AIG1: variants seen among roughly 807,000 people sequenced by gnomAD.
AIG1 encodes androgen-induced gene 1 protein.
Under a neutral mutation model 31.4 loss-of-function variants are expected in AIG1, and 23 were observed. That is an observed-to-expected ratio of 0.73 (90% CI 0.53 to 1.04). The LOEUF (loss-of-function observed/expected upper bound fraction) is 1.04, where lower values mean the gene tolerates loss of function less well. Among genes scored for constraint, AIG1 ranks in the 50% least tolerant of loss-of-function variants. The pLI, the probability that AIG1 is intolerant of heterozygous loss-of-function variation, is 0.00. For synonymous variants in AIG1, 100 were observed against 110.5 expected (o/e 0.90, Z 0.60); for missense variants, 274 against 295.0 (o/e 0.93, Z 0.52).
At chr6:143,204,368 T>A (rs892622910) in intron 3 of AIG1, among the ~76,000 whole-genome samples, 1 of 152,160 alleles carries the variant, frequency 6.6e-6, no homozygotes, top group Non-Finnish European at 1.5e-5. Flanking sequence ...ACATGTGGCC[T>A]CCACAGCCTC....
chr6:143,274,700 G>A (rs1370410149), intron 3 of AIG1, among the ~76,000 whole-genome samples: 2 of 149,438 alleles, frequency 1.3e-5, no homozygotes, highest in East Asian at 3.9e-4. Flanking sequence ...ATGAACAAAC[G>A]AGCATGGGAA....
At chr6:143,060,518 CT>C (rs1360748040), upstream of AIG1, 1 of 261,172 alleles carries the variant, frequency 3.8e-6, no homozygotes, top group Admixed American at 4.6e-5. Context: ...ACAGGGCCCG[CT>C]TCCCCCTGGA....
At chr6:143,285,795 T>TCAGTTCTTGCCTTCTCAG (rs1554265140) in intron 4 of AIG1, among the ~76,000 whole-genome samples, 2 of 152,032 alleles carry the variant, frequency 1.3e-5, no homozygotes, top group Admixed American at 6.5e-5. Context: ...CTTTCTCTGA[T>TCAGTTCTTGCCTTCTCAG]AAAAAATGTC....
At chr6:143,079,122 C>T (rs764362621) in intron 1 of AIG1, among the ~76,000 whole-genome samples, 12 of 151,994 alleles carry the variant, frequency 7.9e-5, no homozygotes, top group South Asian at 2.1e-4. Flanking sequence ...CAAAACAAAA[C>T]GTATTTTCTC....
intron 3 of AIG1, among the ~76,000 whole-genome samples, chr6:143,219,178 A>G (rs1792266772): frequency 6.6e-6 from 1 of 152,220 alleles, no homozygotes; most frequent in African/African-American, 2.4e-5. Context: ...AAAGATCAGA[A>G]TAAGTGTTCT....
chr6:143,166,177 A>T (rs552958311), intron 3 of AIG1, among the ~76,000 whole-genome samples: 1 of 152,308 alleles, frequency 6.6e-6, no homozygotes, highest in African/African-American at 2.4e-5. Flanking sequence ...TCTTAAGCCA[A>T]TTCATCAAAA....
intron 3 of AIG1, among the ~76,000 whole-genome samples, chr6:143,231,826 A>G (rs1220807100): frequency 6.6e-6 from 1 of 152,226 alleles, no homozygotes; most frequent in East Asian, 1.9e-4. Context: ...AGCTACATGC[A>G]TGTTGTAGCT....
intron 4 of AIG1, among the ~76,000 whole-genome samples, chr6:143,316,712 C>A (rs1775773811): frequency 6.6e-6 from 1 of 151,614 alleles, no homozygotes; most frequent in Non-Finnish European, 1.5e-5. Context: ...ATAAATGAAA[C>A]AAAAAGCTGT....
rs138820504 is a variant in AIG1, at chr6:143,250,302, C to T, written c.400-33808C>T. On this transcript the variant is annotated intron_variant, in intron 3 of 5. Transcript: ENST00000357847. ...TCCTGGAAGAATTACATGATTTTTA[C>T]GTTTTAAATGTTTTCATGCCACTTA... 9.8e-5 allele frequency among the ~76,000 whole-genome samples: 15 copies of T among 152,304 alleles called. No homozygotes were observed. In the East Asian group the frequency reaches 1.3e-3, roughly 14 times the overall value.
intron 5 of AIG1, among the ~76,000 whole-genome samples, chr6:143,337,050 G>A (rs1339514125): frequency 6.6e-6 from 1 of 152,198 alleles, no homozygotes; most frequent in Non-Finnish European, 1.5e-5. Flanking sequence ...TCACAGGGGA[G>A]GGGATGCATA....
chr6:143,126,502 T>G lies in AIG1; in HGVS notation c.142-10333T>G, dbSNP rs184494661. On this transcript the variant is annotated intron_variant, in intron 1 of 5. Coordinates refer to ENST00000357847, the MANE Select transcript of AIG1 (RefSeq NM_016108.4). ...ATAACAGGGAGAAAGAATTATGCGC[T>G]GTTAAAAAGAAAGATGTCTGTGGAA... 5.0e-4 allele frequency among the ~76,000 whole-genome samples: 76 copies of G among 152,368 alleles called. 2 individuals carry two copies. The highest frequency in any genetic ancestry group is 9.4e-4 in the Non-Finnish European group (64 of 68,032).
At chr6:143,324,027 G>A (rs1440328036) in intron 4 of AIG1, among the ~76,000 whole-genome samples, 1 of 152,148 alleles carries the variant, frequency 6.6e-6, no homozygotes, top group Non-Finnish European at 1.5e-5. Context: ...AGGAGCTTCA[G>A]GTTGGAGGTA....
Position 143,060,903 on chromosome 6 carries a change from G to C in AIG1, c.-23G>C, listed in dbSNP as rs1159444702. On this transcript the variant is annotated 5_prime_UTR_variant, in exon 1 of 6. Transcript: ENST00000357847. The stretch of plus-strand genomic sequence containing the variant: ...TCACGCCCGCCCTCCTTGCCGCCCA[G>C]CCGGTCCAGGCCTCTGGCGAACATG... 6.8e-7 allele frequency: 1 copy of C among 1,468,398 alleles called. No homozygotes were observed. Among genetic ancestry groups the C allele is most frequent in the South Asian group, 1.4e-5 (1 of 71,354 alleles). 91.0% of individuals were successfully genotyped at this position (1,468,398 alleles called of 1,614,324 possible). A position where few individuals can be genotyped will look rare whatever the true frequency, so the allele number is the denominator to read the frequency against.
At chr6:143,287,514 T>G (rs1271309608) in intron 4 of AIG1, among the ~76,000 whole-genome samples, 5 of 152,088 alleles carry the variant, frequency 3.3e-5, no homozygotes, top group Non-Finnish European at 5.9e-5. Context: ...CCTTGCTGTG[T>G]GAAGAGTAAC....
chr6:143,085,505 CAG>C (rs1349009910), intron 1 of AIG1, among the ~76,000 whole-genome samples: 1 of 152,160 alleles, frequency 6.6e-6, no homozygotes, highest in Non-Finnish European at 1.5e-5. Context: ...CCTTTGTGCT[CAG>C]GGGTGAGTCC....
At chr6:143,094,394 T>C (rs1319936922) in intron 1 of AIG1, 1 of 152,158 alleles carries the variant, frequency 6.6e-6, no homozygotes, top group African/African-American at 2.4e-5. Context: ...GGAGATGTAA[T>C]ATACACAAAT....
intron 3 of AIG1, among the ~76,000 whole-genome samples, chr6:143,214,183 T>A (rs957829025): frequency 2.0e-5 from 3 of 152,238 alleles, no homozygotes; most frequent in Admixed American, 6.5e-5. Context: ...GATATGTTAC[T>A]GCCAAAACAT....
intron 4 of AIG1, among the ~76,000 whole-genome samples, chr6:143,316,303 A>G (rs1289219098): frequency 1.3e-5 from 2 of 152,104 alleles, no homozygotes; most frequent in African/African-American, 4.8e-5. Context: ...CAGTACCAAG[A>G]AAGATCCCCT....
intron 1 of AIG1, among the ~76,000 whole-genome samples, chr6:143,130,677 C>A (rs945882656): frequency 1.3e-5 from 2 of 152,096 alleles, no homozygotes; most frequent in African/African-American, 4.8e-5. Context: ...TGAGATCTCA[C>A]AACTGCACTC....
Sources: gnomAD v4.1 joint callset for allele counts (sites outside exome capture counted in the v4.1 genomes callset) on GRCh38, gnomAD v4.1.1 for gene constraint, MANE v1.5 for transcripts, NCBI Gene and HGNC (gene_info 2026-07-23, HGNC 2026-07-21) for gene names.